Variants in KIF26B observed in about 807,000 individuals in gnomAD.
KIF26B encodes the protein kinesin-like protein KIF26B.
Under a neutral mutation model 151.2 loss-of-function variants are expected in KIF26B, and 63 were observed. That is an observed-to-expected ratio of 0.42 (90% CI 0.34 to 0.51). KIF26B has a LOEUF of 0.51. KIF26B is among the 20% of genes least tolerant of loss of function. The pLI is 0.07. For missense variants in KIF26B, 2,813 were observed against 2,913.6 expected (o/e 0.97, Z 0.79); for synonymous variants, 1,357 against 1,262.1 (o/e 1.08, Z -1.59).
intron 4 of KIF26B, among the ~76,000 whole-genome samples, chr1:245,507,319 G>A (rs1001817732): frequency 2.0e-5 from 3 of 152,164 alleles, no homozygotes; most frequent in Non-Finnish European, 4.4e-5. Flanking sequence ...ATCCACACCC[G>A]TAGAAACCAG....
At chr1:245,208,924 A>G (rs1264408685) in intron 2 of KIF26B, among the ~76,000 whole-genome samples, 1 of 152,312 alleles carries the variant, frequency 6.6e-6, no homozygotes, top group East Asian at 1.9e-4. Context: ...CTGTGTGGCC[A>G]TCGGCTCTGT....
In KIF26B at chr1:245,352,057, G is replaced by A. The variant is rs1276273012; in HGVS notation, c.466-14777G>A. The stretch of plus-strand genomic sequence containing the variant: ...GATTTGAAAGTTTTAGAATGTGGCT[G>A]TGTGTGTGAGAGAGATCGTCCCTCA... On this transcript the variant is annotated intron_variant, in intron 2 of 14. Transcript: ENST00000407071. The surrounding 1 kb of genome is among the most constrained non-coding windows in gnomAD (Gnocchi z 5.0). Among the ~76,000 whole-genome samples the A allele has an allele frequency of 1.3e-5, 2 of 152,188 alleles. No individual in the cohort carries two copies. Among genetic ancestry groups the A allele is most frequent in the African/African-American group, 4.8e-5 (2 of 41,448 alleles).
intron 4 of KIF26B, among the ~76,000 whole-genome samples, chr1:245,491,265 T>C (rs1367447588): frequency 6.6e-6 from 1 of 152,250 alleles, no homozygotes; most frequent in African/African-American, 2.4e-5. Context: ...TTTGTCTTGC[T>C]GGCATCAGTA....
At chr1:245,328,771 A>G (rs895172949) in intron 2 of KIF26B, among the ~76,000 whole-genome samples, 4 of 152,176 alleles carry the variant, frequency 2.6e-5, no homozygotes, top group South Asian at 2.1e-4. Flanking sequence ...TTTTACAAGG[A>G]GGGACACAGG....
chr1:245,565,245 T>G (rs2042997600), intron 5 of KIF26B, among the ~76,000 whole-genome samples: 1 of 152,132 alleles, frequency 6.6e-6, no homozygotes. Context: ...CAGAGCACAG[T>G]GAATTCGAGG....
intron 10 of KIF26B, chr1:245,676,424 T>C (rs1558264604): frequency 1.3e-5 from 2 of 152,194 alleles, no homozygotes; most frequent in Admixed American, 1.3e-4. Context: ...TGCAAGCGAG[T>C]CTTGTTCAAT....
intron 2 of KIF26B, among the ~76,000 whole-genome samples, chr1:245,271,035 C>T (rs1436187130): frequency 6.6e-6 from 1 of 152,156 alleles, no homozygotes; most frequent in Non-Finnish European, 1.5e-5. Context: ...GTTGTCTTGG[C>T]ACCCTTGCTG....
chr1:245,675,462 C>G (rs1300618556), intron 10 of KIF26B, among the ~76,000 whole-genome samples: 2 of 152,152 alleles, frequency 1.3e-5, no homozygotes, highest in African/African-American at 4.8e-5. Flanking sequence ...CTCACCATAA[C>G]AAAGGCACTC....
chr1:245,383,375 A>G (rs892987988), intron 3 of KIF26B, among the ~76,000 whole-genome samples: 1 of 152,170 alleles, frequency 6.6e-6, no homozygotes, highest in East Asian at 1.9e-4. Context: ...CTCATGATGA[A>G]TATCCTGAAC....
intron 2 of KIF26B, among the ~76,000 whole-genome samples, chr1:245,238,734 C>A (rs868782215): frequency 3.3e-5 from 5 of 151,732 alleles, no homozygotes; most frequent in Non-Finnish European, 1.5e-5. Context: ...TAGTGGCAGG[C>A]GCCTGTAATC....
chr1:245,387,882 C>T (rs957447850), intron 3 of KIF26B, among the ~76,000 whole-genome samples: 3 of 152,200 alleles, frequency 2.0e-5, no homozygotes, highest in African/African-American at 7.2e-5. Context: ...CTCCCTCATC[C>T]ACTTCCCCCA....
At chr1:245,594,417 A>T (rs988079525) in intron 5 of KIF26B, among the ~76,000 whole-genome samples, 6 of 152,208 alleles carry the variant, frequency 3.9e-5, no homozygotes, top group Non-Finnish European at 8.8e-5. Flanking sequence ...ACCATTTATT[A>T]AATAGGGAAT....
rs2044500315 is a variant in KIF26B at position 245,685,559 on chromosome 1, A to G, written c.2576A>G (p.Glu859Gly). 1 of 1,613,768 alleles carries G rather than the reference A, an allele frequency of 6.2e-7. No individual in the cohort carries two copies. The highest frequency in any genetic ancestry group is 8.5e-7 in the Non-Finnish European group (1 of 1,179,900). The part of the protein sequence containing the change: ...SSDPDYSSSS[E>G]QSCDTVIYIG... ...GACCCCGACTACTCCTCCAGCAGCG[A>G]GCAGTCCTGCGACACCGTCATCTAC... Residue 859 changes from glutamate (E) to glycine (G), a missense_variant, in exon 12 of 15, where the codon GAG becomes GGG. This residue lies in a region of KIF26B where 2,060 missense variants were observed against 2,088.6 expected (regional missense o/e 0.99). Coordinates refer to ENST00000407071, the MANE Select transcript of KIF26B (RefSeq NM_018012.4).
At chr1:245,330,241 C>A (rs1400675234) in intron 2 of KIF26B, among the ~76,000 whole-genome samples, 2 of 149,892 alleles carry the variant, frequency 1.3e-5, no homozygotes, top group African/African-American at 4.9e-5. Flanking sequence ...GAGATGCCAT[C>A]TTTTCCTAGC....
chr1:245,612,041 G>A (rs921276881), intron 9 of KIF26B, 65 bp downstream of exon 9: 65 of 1,422,714 alleles, frequency 4.6e-5, no homozygotes, highest in Non-Finnish European at 6.1e-5. Context: ...AATCCCTTGG[G>A]CAACCATGAC....
chr1:245,650,378 T>G (rs1440068621), intron 10 of KIF26B, among the ~76,000 whole-genome samples: 1 of 152,220 alleles, frequency 6.6e-6, no homozygotes, highest in Non-Finnish European at 1.5e-5. Context: ...CAAAACCCAG[T>G]GTTGCACATC....
chr1:245,491,253 G>A (rs953049827), intron 4 of KIF26B, among the ~76,000 whole-genome samples: 2 of 152,092 alleles, frequency 1.3e-5, no homozygotes, highest in African/African-American at 2.4e-5. Flanking sequence ...CATATAAGTG[G>A]CTTTGTCTTG....
At chr1:245,283,863 T>C (rs758679605) in intron 2 of KIF26B, among the ~76,000 whole-genome samples, 5 of 152,154 alleles carry the variant, frequency 3.3e-5, no homozygotes, top group Non-Finnish European at 5.9e-5. Flanking sequence ...AATTTTTGTA[T>C]TATTAGTAGA....
chr1:245,176,927 A>G (rs1009880361), intron 2 of KIF26B, among the ~76,000 whole-genome samples: 2 of 152,180 alleles, frequency 1.3e-5, no homozygotes, highest in Non-Finnish European at 2.9e-5. Flanking sequence ...ATAGACACAC[A>G]GGGGTATGGC....
Sources: gnomAD v4.1 joint callset for allele counts (sites outside exome capture counted in the v4.1 genomes callset) on GRCh38, gnomAD v4.1.1 for gene constraint, gnomAD v4.1.1 regional missense constraint, Gnocchi (gnomAD v3.1) non-coding constraint, MANE v1.5 for transcripts, NCBI Gene and HGNC (gene_info 2026-07-23, HGNC 2026-07-21) for gene names.